PHKA1: variants seen among roughly 807,000 people sequenced by gnomAD.
PHKA1 encodes phosphorylase kinase regulatory subunit alpha 1.
A neutral mutation model predicts 110.2 loss-of-function variants in PHKA1; 60 were observed. The ratio of observed to expected loss-of-function variants is 0.54; its 90% CI spans 0.44 to 0.68. The LOEUF (loss-of-function observed/expected upper bound fraction) is 0.68, where lower values mean the gene tolerates loss of function less well. Among genes scored for constraint, PHKA1 ranks in the 30% least tolerant of loss-of-function variants. The pLI, the probability that PHKA1 is intolerant of heterozygous loss-of-function variation, is 0.00. For missense variants in PHKA1, 801 were observed against 942.5 expected, an observed-to-expected ratio of 0.85 and a Z score of 1.97; for synonymous variants, 316 against 333.6, an observed-to-expected ratio of 0.95 and a Z score of 0.58.
intron 28 of PHKA1, among the ~76,000 whole-genome samples, chrX:72,597,283 G>T (rs1252645783): frequency 1.8e-5 from 2 of 112,069 alleles, no homozygotes; most frequent in Non-Finnish European, 3.8e-5. Flanking sequence ...CTGTACAAAC[G>T]CTATGGTTTA....
At chrX:72,704,948 A>G (rs1357323853) in intron 3 of PHKA1, among the ~76,000 whole-genome samples, 2 of 111,767 alleles carry the variant, frequency 1.8e-5, no homozygotes, top group Non-Finnish European at 3.8e-5. Context: ...AATTGCATGT[A>G]CAGTAATGAT....
intron 29 of PHKA1, among the ~76,000 whole-genome samples, chrX:72,587,260 G>A (rs2052446197): frequency 9.0e-6 from 1 of 111,730 alleles, no homozygotes; most frequent in Admixed American, 9.5e-5. Context: ...CAAGCCAGAA[G>A]AGAGTGGGGG....
At chrX:72,641,957 T>C (rs1227026283) in intron 14 of PHKA1, among the ~76,000 whole-genome samples, 1 of 111,818 alleles carries the variant, frequency 8.9e-6, no homozygotes, top group Non-Finnish European at 1.9e-5. Context: ...ACTGTGATTA[T>C]TTAGTTGCAT....
Position 72,579,629 on chromosome X carries a change from C to T in PHKA1, c.*1373G>A, listed in dbSNP as rs2052308123. The T allele has an allele frequency of 9.0e-6, 1 of 111,207 alleles. No homozygotes were observed. The highest frequency in any genetic ancestry group is 1.9e-5 in the Non-Finnish European group (1 of 53,050). 9.2% of individuals were successfully genotyped at this position (111,207 alleles called of 1,213,427 possible). On this transcript the variant is annotated 3_prime_UTR_variant, in exon 32 of 32. Coordinates refer to ENST00000373542, the MANE Select transcript of PHKA1 (RefSeq NM_002637.4). ...GTCAATCTGAGTCCACAGTCACATC[C>T]CTTCTCTCACATGCAACATTCTTAC...
At chrX:72,673,538 T>C (rs1016952623) in intron 6 of PHKA1, among the ~76,000 whole-genome samples, 15 of 111,363 alleles carry the variant, frequency 1.3e-4, no homozygotes, top group African/African-American at 3.6e-4. Flanking sequence ...TTGAGAAAAG[T>C]GGCAAAAAAG....
Position 72,657,598 on chromosome X carries a change from G to C in PHKA1, c.908C>G (p.Thr303Ser), listed in dbSNP as rs1247125733. Reference protein sequence around the residue: ...CCRFLRDGYKTPKEDPNRLYY... With the variant: ...CCRFLRDGYKSPKEDPNRLYY... ...AGAAAAGAAACCTACCTCTTTAGGA[G>C]TTTTATATCCATCTCGTAGAAAGCG... Residue 303 changes from threonine to serine, a missense_variant, in exon 9 of 32, where the codon ACT (threonine) becomes AGT (serine). Physicochemically the swap from Thr to Ser is moderately conservative, Grantham distance 58. Around this residue, in one of 2 missense-constraint regions of PHKA1, gnomAD observed 299 missense variants for 423.3 expected, o/e 0.71. Coordinates refer to ENST00000373542, the MANE Select transcript of PHKA1 (RefSeq NM_002637.4). The C allele has an allele frequency of 8.6e-7, 1 of 1,163,635 alleles. No homozygotes were observed. Among genetic ancestry groups the C allele is most frequent in the Non-Finnish European group, 1.2e-6 (1 of 865,008 alleles).
intron 12 of PHKA1, among the ~76,000 whole-genome samples, chrX:72,651,964 A>G (rs1160300150): frequency 9.0e-6 from 1 of 111,516 alleles, no homozygotes; most frequent in Non-Finnish European, 1.9e-5. Context: ...TCAAAATGTC[A>G]CAAAGAAGGT....
intron 6 of PHKA1, among the ~76,000 whole-genome samples, chrX:72,674,251 G>T (rs1366712701): frequency 9.0e-6 from 1 of 110,509 alleles, no homozygotes; most frequent in Non-Finnish European, 1.9e-5. Context: ...ATTGTGAATA[G>T]TGCCACAATA....
chrX:72,649,715 C>A (rs1413277538), intron 13 of PHKA1, among the ~76,000 whole-genome samples: 3 of 111,191 alleles, frequency 2.7e-5, no homozygotes, highest in Non-Finnish European at 5.7e-5. Context: ...TAAGTGCAGC[C>A]GGGCGCAGTG....
At chrX:72,680,388 A>G (rs1046499539) in intron 5 of PHKA1, among the ~76,000 whole-genome samples, 1 of 112,869 alleles carries the variant, frequency 8.9e-6, no homozygotes, top group Non-Finnish European at 1.9e-5. Flanking sequence ...GGTTGACAAC[A>G]AATTTGTCAT....
In PHKA1 at chrX:72,620,799, C is replaced by T. The variant is rs201234013; in HGVS notation, c.2063G>A (p.Arg688Gln). 6.1e-5 allele frequency: 74 copies of T among 1,207,769 alleles called. No homozygotes were observed. The highest frequency in any genetic ancestry group is 1.2e-4 in the East Asian group (4 of 33,707). Residue 688 changes from arginine (R) to glutamine (Q), a missense_variant, in exon 19 of 32, where the codon CGG becomes CAG. Arg to Gln is a conservative substitution (Grantham distance 43). Around this residue, in one of 2 missense-constraint regions of PHKA1, gnomAD observed 502 missense variants for 519.2 expected, o/e 0.97. Transcript: ENST00000373542. ...GGTTGTTTGCACAGCAGCTTGGAAC[C>T]GATCTAGCCCTCCCTTCTGTGAGGT... ...APTSQKGGLD[R>Q]FQAAVQTTCD...
chrX:72,691,165 A>G (rs782173781), intron 4 of PHKA1, among the ~76,000 whole-genome samples: 2 of 112,942 alleles, frequency 1.8e-5, no homozygotes, highest in Non-Finnish European at 3.7e-5. Context: ...TGAAGAGACT[A>G]TTCTTTCCCC....
chrX:72,666,058 A>G, intron 8 of PHKA1, 93 bp downstream of exon 8: 1 of 870,984 alleles, frequency 1.1e-6, no homozygotes. Flanking sequence ...GTTTCTTGAA[A>G]TCACAGACAC....
chrX:72,583,471 A>G (rs1556206260), intron 30 of PHKA1, among the ~76,000 whole-genome samples: 1 of 111,875 alleles, frequency 8.9e-6, no homozygotes, highest in African/African-American at 3.2e-5. Flanking sequence ...GGGACATGGC[A>G]TTCTTGATTA....
intron 22 of PHKA1, among the ~76,000 whole-genome samples, chrX:72,610,002 A>C (rs1603255021): frequency 1.8e-5 from 2 of 111,214 alleles, no homozygotes; most frequent in South Asian, 7.7e-4. Flanking sequence ...GATAAATAAG[A>C]GTTATACATA....
At chrX:72,597,058 T>A (rs782414470) in intron 28 of PHKA1, among the ~76,000 whole-genome samples, 15 of 112,077 alleles carry the variant, frequency 1.3e-4, no homozygotes, top group Admixed American at 2.8e-4. Flanking sequence ...GACATCCACA[T>A]GCAAAAGAAT....
intron 8 of PHKA1, among the ~76,000 whole-genome samples, chrX:72,660,296 T>C (rs189727463): frequency 8.9e-6 from 1 of 112,114 alleles, no homozygotes; most frequent in Non-Finnish European, 1.9e-5. Context: ...GTGCTGTATC[T>C]TTATAGACAA....
intron 29 of PHKA1, among the ~76,000 whole-genome samples, chrX:72,584,664 T>G (rs1218895403): frequency 8.9e-6 from 1 of 111,801 alleles, no homozygotes; most frequent in Non-Finnish European, 1.9e-5. Flanking sequence ...GAAAAAATTT[T>G]AGGCCATAGG....
intron 18 of PHKA1, chrX:72,622,221 T>C: frequency 1.3e-6 from 1 of 754,030 alleles, no homozygotes; most frequent in Middle Eastern, 7.6e-4. Context: ...AAGAAAATAG[T>C]CCTTCTGACT....
Sources: allele counts gnomAD v4.1 joint callset (sites outside exome capture counted in the v4.1 genomes callset), GRCh38; gene constraint gnomAD v4.1.1; regional missense constraint gnomAD v4.1.1; transcripts MANE v1.5; gene names NCBI Gene and HGNC (gene_info 2026-07-23, HGNC 2026-07-21).